Variants in PPP1R9A observed in about 807,000 individuals in gnomAD.
PPP1R9A encodes the protein neurabin-1.
PPP1R9A carries 59 observed loss-of-function variants against 141.9 expected under a neutral mutation model. The observed-to-expected ratio is 0.42, with a 90% confidence interval of 0.34 to 0.52. The LOEUF is 0.52. PPP1R9A is among the 20% of genes least tolerant of loss of function. The pLI is 0.10. For synonymous variants in PPP1R9A, 500 were observed against 569.7 expected (o/e 0.88, Z 1.74); for missense variants, 1,444 against 1,611.9 (o/e 0.90, Z 1.78).
chr7:95,072,761 AAT>A lies in PPP1R9A; in HGVS notation c.1396-38489_1396-38488del, dbSNP rs1266218495. ...TAATATAATATATAATATTATATTA[AAT>A]ATATATATTAAATATATATATTTAT... On this transcript the variant is annotated intron_variant, in intron 2 of 19. Coordinates refer to ENST00000433360, the MANE Select transcript of PPP1R9A (RefSeq NM_001166160.2). 6.8e-4 allele frequency among the ~76,000 whole-genome samples: 72 copies of A among 105,430 alleles called. 1 individual carries two copies. The East Asian group carries it at 7.7e-3, about 11-fold the overall frequency. The allele number at this position is 105,430 out of a possible 152,430, so 69.2% of individuals were successfully genotyped here. A position where few individuals can be genotyped will look rare whatever the true frequency, so the allele number is the denominator to read the frequency against.
intron 4 of PPP1R9A, among the ~76,000 whole-genome samples, chr7:95,131,938 T>A (rs938642166): frequency 1.3e-5 from 2 of 152,168 alleles, no homozygotes; most frequent in African/African-American, 4.8e-5. Flanking sequence ...GGTATTTCAT[T>A]TTGTGTGTGT....
At position 94,910,213 on chromosome 7, in the gene PPP1R9A, T is replaced by C; in HGVS notation, c.100T>C (p.Phe34Leu). 6.2e-7 allele frequency: 1 copy of C among 1,614,058 alleles called. No homozygotes were observed. Among genetic ancestry groups the C allele is most frequent in the Non-Finnish European group, 8.5e-7 (1 of 1,179,984 alleles). Reference sequence around the variant, plus strand: ...TGAGTTTCAGGCACTGAAAAGTACCTTTGACAAACCCAAGTCAGATGGGGA... The same window carrying C: ...TGAGTTTCAGGCACTGAAAAGTACCCTTGACAAACCCAAGTCAGATGGGGA... ...RTEFQALKST[F>L]DKPKSDGEQK... Residue 34 changes from phenylalanine to leucine, a missense_variant, in exon 2 of 20, where the codon TTT becomes CTT. By Grantham distance (22) the Phe-to-Leu change is conservative. This residue lies in a region of PPP1R9A where 490 missense variants were observed against 521.1 expected (regional missense o/e 0.94). Coordinates refer to ENST00000433360, the MANE Select transcript of PPP1R9A (RefSeq NM_001166160.2). The surrounding 1 kb of genome is among the most constrained non-coding windows in gnomAD (Gnocchi z 4.5).
At chr7:94,992,503 A>C (rs1801643156) in intron 2 of PPP1R9A, among the ~76,000 whole-genome samples, 1 of 152,156 alleles carries the variant, frequency 6.6e-6, no homozygotes, top group Non-Finnish European at 1.5e-5. Context: ...CTAGGAGTGG[A>C]TCGTATTGTA....
At chr7:95,235,196 C>T (rs1480494059) in intron 8 of PPP1R9A, among the ~76,000 whole-genome samples, 1 of 152,060 alleles carries the variant, frequency 6.6e-6, no homozygotes, top group Non-Finnish European at 1.5e-5. Flanking sequence ...AGCTTCTGTT[C>T]AGTGAAAGAA....
At chr7:95,187,178 C>T (rs1467463654) in intron 5 of PPP1R9A, among the ~76,000 whole-genome samples, 1 of 152,006 alleles carries the variant, frequency 6.6e-6, no homozygotes, top group Non-Finnish European at 1.5e-5. Flanking sequence ...TTTAAAATTA[C>T]TATTTCAATC....
In PPP1R9A at chr7:95,160,984, C is replaced by G. The variant is rs1383179634; in HGVS notation, c.1650-883C>G. 2.0e-5 allele frequency among the ~76,000 whole-genome samples: 3 copies of G among 152,276 alleles called. No homozygotes were observed. In the East Asian group the frequency reaches 5.8e-4, roughly 29 times the overall value. On this transcript the variant is annotated intron_variant, in intron 4 of 19. Transcript: ENST00000433360. ...CTGTTGTGAACAGTGCTGCAGTGAA[C>G]ATGCATGTATCATTTTGGTAGAAAG...
At chr7:94,925,365 C>T (rs1006510998) in intron 2 of PPP1R9A, among the ~76,000 whole-genome samples, 11 of 152,164 alleles carry the variant, frequency 7.2e-5, no homozygotes, top group African/African-American at 1.7e-4. Flanking sequence ...TAGATATCTG[C>T]GCACCATGGC....
rs1286206369 is a variant in PPP1R9A at position 94,986,113 on chromosome 7, G to A, written c.1395+74605G>A. On this transcript the variant is annotated intron_variant, in intron 2 of 19. Transcript: ENST00000433360. ...TAGCACTGGTTTTGGTGAATAATAT[G>A]TTAGGTAGGTTCTTTCAAGGTTGTG... Among the ~76,000 whole-genome samples, 4 of 152,228 alleles carry A rather than the reference G, an allele frequency of 2.6e-5. No homozygotes were observed. The East Asian group carries it at 7.7e-4, about 29-fold the overall frequency.
At chr7:95,208,717 C>CT (rs1791395835) in intron 7 of PPP1R9A, among the ~76,000 whole-genome samples, 3 of 151,224 alleles carry the variant, frequency 2.0e-5, no homozygotes, top group Non-Finnish European at 4.4e-5. Flanking sequence ...GAGCGAGACT[C>CT]TGTCTCAAAA....
chr7:95,121,911 C>T (rs373719176), intron 4 of PPP1R9A, among the ~76,000 whole-genome samples: 4 of 152,118 alleles, frequency 2.6e-5, no homozygotes, highest in African/African-American at 9.7e-5. Flanking sequence ...AACACTGTTG[C>T]GTTAAGGATC....
intron 2 of PPP1R9A, among the ~76,000 whole-genome samples, chr7:95,000,467 A>G (rs918719583): frequency 6.6e-6 from 1 of 152,104 alleles, no homozygotes; most frequent in Non-Finnish European, 1.5e-5. Context: ...TTTTAAACAA[A>G]TCTTATTTTA....
chr7:95,168,479 C>T (rs868474685), intron 5 of PPP1R9A, among the ~76,000 whole-genome samples: 1 of 151,202 alleles, frequency 6.6e-6, no homozygotes, highest in South Asian at 2.1e-4. Context: ...GGACATTGGT[C>T]TAGGCAAATA....
At chr7:95,097,033 A>G (rs115010889) in intron 2 of PPP1R9A, among the ~76,000 whole-genome samples, 2,256 of 151,960 alleles carry the variant, frequency 0.015, 47 homozygotes, top group African/African-American at 0.051. Flanking sequence ...TGAGATTAAT[A>G]AAGTTTTTAT....
intron 2 of PPP1R9A, among the ~76,000 whole-genome samples, chr7:94,985,968 G>A (rs1346163364): frequency 1.3e-5 from 2 of 152,152 alleles, no homozygotes; most frequent in East Asian, 1.9e-4. Flanking sequence ...AGACATAATA[G>A]CTTTTTTCAG....
intron 2 of PPP1R9A, among the ~76,000 whole-genome samples, chr7:94,996,639 G>A (rs1321268696): frequency 6.6e-6 from 1 of 152,022 alleles, no homozygotes; most frequent in Non-Finnish European, 1.5e-5. Context: ...CTTATTCTTG[G>A]ATTCAAAGTA....
At chr7:95,271,583 G>A (rs1802182028) in intron 14 of PPP1R9A, among the ~76,000 whole-genome samples, 1 of 152,180 alleles carries the variant, frequency 6.6e-6, no homozygotes, top group African/African-American at 2.4e-5. Context: ...GGACTGCCAG[G>A]TAGATTTGGG....
intron 2 of PPP1R9A, among the ~76,000 whole-genome samples, chr7:95,063,450 A>C (rs1196710893): frequency 6.6e-6 from 1 of 152,156 alleles, no homozygotes; most frequent in African/African-American, 2.4e-5. Context: ...CTGTTATCCC[A>C]GCTACTTGGG....
chr7:95,232,730 A>G (rs987975090), intron 8 of PPP1R9A, among the ~76,000 whole-genome samples: 7 of 152,242 alleles, frequency 4.6e-5, no homozygotes, highest in Non-Finnish European at 1.0e-4. Flanking sequence ...ACACTTTTCA[A>G]AACAAGAAAT....
intron 4 of PPP1R9A, among the ~76,000 whole-genome samples, chr7:95,149,070 C>G (rs943488613): frequency 2.0e-5 from 3 of 151,648 alleles, no homozygotes; most frequent in African/African-American, 4.8e-5. Flanking sequence ...GGATTTATCC[C>G]AGGTATAGAA....
Sources: gnomAD v4.1 joint callset for allele counts (sites outside exome capture counted in the v4.1 genomes callset) on GRCh38, gnomAD v4.1.1 for gene constraint, gnomAD v4.1.1 regional missense constraint, Gnocchi (gnomAD v3.1) non-coding constraint, MANE v1.5 for transcripts, NCBI Gene and HGNC (gene_info 2026-07-23, HGNC 2026-07-21) for gene names.